AKR1C4: variants seen among roughly 807,000 people sequenced by gnomAD.
AKR1C4 encodes aldo-keto reductase family 1 member C4.
In AKR1C4, 44 loss-of-function variants were observed where a neutral mutation model predicts 41.0. The ratio of observed to expected loss-of-function variants is 1.07; its 90% CI spans 0.84 to 1.38. The LOEUF (loss-of-function observed/expected upper bound fraction) is 1.38. Among genes scored for constraint, AKR1C4 ranks in the 40% most tolerant of loss-of-function variants. The probability of loss-of-function intolerance (pLI) is 0.00; values close to 1 mark genes in which losing one functional copy is unlikely to be tolerated. For synonymous variants in AKR1C4, 165 were observed against 137.7 expected (o/e 1.20, Z -1.39); for missense variants, 438 against 387.9 (o/e 1.13, Z -1.09).
At chr10:5,217,147 A>G (rs923720142) in intron 8 of AKR1C4, among the ~76,000 whole-genome samples, 1 of 152,240 alleles carries the variant, frequency 6.6e-6, no homozygotes, top group Non-Finnish European at 1.5e-5. Context: ...TGTTTTTCCA[A>G]ATCTGTACTT....
rs149648836 is a variant in AKR1C4 at position 5,207,679 on chromosome 10, A to G, written c.570+1282A>G. The G allele has an allele frequency of 9.2e-4, 817 of 892,722 alleles. 7 individuals are homozygous for G. In the African/African-American group the frequency reaches 0.011, roughly 12 times the overall value. 55.3% of individuals were successfully genotyped at this position (892,722 alleles called of 1,614,324 possible). ...CTGTGCAATCATAGGACATGAAATA[A>G]AGGAAGGACTTGAGAAACTCCATGA... On this transcript the variant is annotated intron_variant, in intron 5 of 8. Coordinates refer to ENST00000263126, the MANE Select transcript of AKR1C4 (RefSeq NM_001818.5).
intron 5 of AKR1C4, among the ~76,000 whole-genome samples, chr10:5,211,174 G>T (rs1832570458): frequency 6.6e-6 from 1 of 152,196 alleles, no homozygotes. Flanking sequence ...TGACACAAAG[G>T]TCTCTGACAT....
At chr10:5,211,333 T>A (rs894761734) in intron 5 of AKR1C4, among the ~76,000 whole-genome samples, 2 of 152,260 alleles carry the variant, frequency 1.3e-5, no homozygotes, top group Non-Finnish European at 2.9e-5. Context: ...TCTGAACGTT[T>A]ATGCTGTTTG....
At chr10:5,213,272 G>A in intron 7 of AKR1C4, 113 bp downstream of exon 7, 2 of 1,481,256 alleles carry the variant, frequency 1.4e-6, no homozygotes, top group South Asian at 1.4e-5. Flanking sequence ...CATTTCCTAT[G>A]CACAAATGCT....
At chr10:5,201,322 A>T (rs1229727293) in intron 2 of AKR1C4, among the ~76,000 whole-genome samples, 3 of 152,054 alleles carry the variant, frequency 2.0e-5, no homozygotes, top group Non-Finnish European at 4.4e-5. Context: ...GTGATATCTC[A>T]TTGTGATTTT....
chr10:5,212,218 A>G (rs1832586466), intron 5 of AKR1C4, among the ~76,000 whole-genome samples: 1 of 152,220 alleles, frequency 6.6e-6, no homozygotes, highest in South Asian at 2.1e-4. Flanking sequence ...TTGATGCTCA[A>G]ATCTATGCAA....
At chr10:5,204,789 T>C (rs1832459608) in intron 3 of AKR1C4, 1 of 446,010 alleles carries the variant, frequency 2.2e-6, no homozygotes, top group Admixed American at 3.2e-5. Context: ...CTTAGGATCT[T>C]CACAGATACA....
intron 1 of AKR1C4, among the ~76,000 whole-genome samples, chr10:5,197,665 G>C (rs1263890910): frequency 6.6e-6 from 1 of 152,190 alleles, no homozygotes; most frequent in Non-Finnish European, 1.5e-5. Flanking sequence ...TTTCTAGACT[G>C]AGCTATTTCT....
At chr10:5,199,271 G>T (rs1416649053) in intron 1 of AKR1C4, among the ~76,000 whole-genome samples, 1 of 152,068 alleles carries the variant, frequency 6.6e-6, no homozygotes, top group African/African-American at 2.4e-5. Context: ...GTCAGTGCTG[G>T]TGCCTGAACT....
chr10:5,202,272 C>T (rs1031181713), intron 2 of AKR1C4, among the ~76,000 whole-genome samples: 3 of 151,996 alleles, frequency 2.0e-5, no homozygotes, highest in Admixed American at 6.6e-5. Flanking sequence ...TTATTTGCAG[C>T]TGTTGTAAAT....
chr10:5,217,857 G>T lies in AKR1C4; in HGVS notation c.930-861G>T, dbSNP rs139442429. Among the ~76,000 whole-genome samples the T allele has an allele frequency of 1.1e-4, 17 of 152,296 alleles. No individual in the cohort carries two copies. In the East Asian group the frequency reaches 2.1e-3, roughly 19 times the overall value. On this transcript the variant is annotated intron_variant, in intron 8 of 8. Coordinates refer to ENST00000263126, the MANE Select transcript of AKR1C4 (RefSeq NM_001818.5). ...CTTACTCTTTTCTATATGCTCCAAGGTTCTAGGATTCACAGAAAGGCACTC... is the reference window on the plus strand; with the variant it reads ...CTTACTCTTTTCTATATGCTCCAAGTTTCTAGGATTCACAGAAAGGCACTC...
chr10:5,213,211 T>A, intron 7 of AKR1C4, 52 bp downstream of exon 7: 2 of 1,600,344 alleles, frequency 1.2e-6, no homozygotes, highest in Non-Finnish European at 1.7e-6. Context: ...TTCACACGTG[T>A]GCTTCTTGTA....
intron 4 of AKR1C4, 67 bp from the exon 5 acceptor site, chr10:5,206,208 T>C: frequency 1.2e-6 from 2 of 1,607,520 alleles, no homozygotes; most frequent in Non-Finnish European, 1.7e-6. Context: ...TTAACAGTTC[T>C]GTCTTGCATT....
intron 1 of AKR1C4, among the ~76,000 whole-genome samples, chr10:5,199,368 C>T (rs1588335028): frequency 1.3e-5 from 2 of 151,918 alleles, no homozygotes; most frequent in South Asian, 2.1e-4. Flanking sequence ...TAGAGGAGGA[C>T]GTGGTCCCTG....
Position 5,211,453 on chromosome 10 carries a change from C to T in AKR1C4, c.571-1163C>T, listed in dbSNP as rs1172761923. On this transcript the variant is annotated intron_variant, in intron 5 of 8. Transcript: ENST00000263126. ...ATCATCTCAGGTCCAAAGTTCCACA[C>T]ATCTCTAGGGCAGGGACAAAATGTC... is the stretch of plus-strand genomic sequence containing the variant. Among the ~76,000 whole-genome samples the T allele has an allele frequency of 3.3e-5, 5 of 151,912 alleles. No individual in the cohort carries two copies. The East Asian group carries it at 9.7e-4, about 29-fold the overall frequency.
chr10:5,205,596 C>A (rs1447663370), intron 3 of AKR1C4, among the ~76,000 whole-genome samples, 161 bp from the exon 4 acceptor site: 1 of 152,168 alleles, frequency 6.6e-6, no homozygotes, highest in Non-Finnish European at 1.5e-5. Flanking sequence ...CTCCTAAAGA[C>A]ATTCCTTAAA....
At chr10:5,209,124 C>T (rs1419180449) in intron 5 of AKR1C4, among the ~76,000 whole-genome samples, 1 of 152,142 alleles carries the variant, frequency 6.6e-6, no homozygotes, top group African/African-American at 2.4e-5. Context: ...CAGATTGTCC[C>T]ACAATTAGTG....
chr10:5,205,894 C>A, intron 4 of AKR1C4, 60 bp downstream of exon 4: 1 of 1,492,150 alleles, frequency 6.7e-7, no homozygotes. Flanking sequence ...ACCTGTTCCC[C>A]AGCTTTCATA....
intron 5 of AKR1C4, among the ~76,000 whole-genome samples, chr10:5,211,747 C>A (rs1008923301): frequency 1.8e-4 from 28 of 152,090 alleles, no homozygotes; most frequent in Non-Finnish European, 2.9e-5. Context: ...CCATATTAGT[C>A]CATTTTCATG....
Sources: gnomAD v4.1 joint callset for allele counts (sites outside exome capture counted in the v4.1 genomes callset) on GRCh38, gnomAD v4.1.1 for gene constraint, MANE v1.5 for transcripts, NCBI Gene and HGNC (gene_info 2026-07-23, HGNC 2026-07-21) for gene names.